The following GNB5 variants were observed in gnomAD, a reference collection of about 807,000 sequenced individuals.
GNB5 encodes guanine nucleotide-binding protein subunit beta-5.
GNB5 carries 37 observed loss-of-function variants against 55.3 expected under a neutral mutation model. The observed-to-expected ratio is 0.67, with a 90% CI of 0.51 to 0.88. The LOEUF is 0.88. Ranked by LOEUF, GNB5 falls within the 40% of genes least tolerant of loss-of-function variation. The pLI is 0.00. For synonymous variants in GNB5, 219 were observed against 198.5 expected, an observed-to-expected ratio of 1.10 and a Z score of -0.87; for missense variants, 476 against 515.3, an observed-to-expected ratio of 0.92 and a Z score of 0.74.
chr15:52,181,388 G>A lies in GNB5; in HGVS notation c.127-1509C>T, dbSNP rs7183309. ...CCCAACACTTCGGGAGGCCAAGGTG[G>A]GTGTATCACCTGAGGTCAGGAGTTC... is the stretch of plus-strand genomic sequence containing the variant. On this transcript the variant is annotated intron_variant, in intron 2 of 12. Coordinates refer to ENST00000261837, the MANE Select transcript of GNB5 (RefSeq NM_016194.4). Among the ~76,000 whole-genome samples the A allele has an allele frequency of 8.3e-3, 1,260 of 152,214 alleles. 18 individuals are homozygous for A. The highest frequency in any genetic ancestry group is 0.029 in the African/African-American group (1,213 of 41,518).
chr15:52,152,940 G>C (rs2034131570), intron 4 of GNB5, among the ~76,000 whole-genome samples: 1 of 152,218 alleles, frequency 6.6e-6, no homozygotes, highest in African/African-American at 2.4e-5. Context: ...AATATGTCAT[G>C]TGACTTCAGT....
intron 3 of GNB5, among the ~76,000 whole-genome samples, chr15:52,165,850 C>T (rs1053676612): frequency 1.3e-5 from 2 of 152,146 alleles, no homozygotes; most frequent in Non-Finnish European, 2.9e-5. Context: ...ACAATATTAA[C>T]CTTAAATGTA....
intron 12 of GNB5, among the ~76,000 whole-genome samples, chr15:52,124,241 G>A (rs2033359435): frequency 6.6e-6 from 1 of 151,954 alleles, no homozygotes; most frequent in African/African-American, 2.4e-5. Context: ...TCACCTACAG[G>A]CTGATACGCA....
chr15:52,134,671 C>T (rs2033657479), intron 8 of GNB5, among the ~76,000 whole-genome samples: 1 of 152,194 alleles, frequency 6.6e-6, no homozygotes, highest in South Asian at 2.1e-4. Flanking sequence ...GCTCATACAG[C>T]CCTGGCCTGG....
chr15:52,156,167 C>G (rs1410641670), intron 3 of GNB5, among the ~76,000 whole-genome samples: 2 of 152,106 alleles, frequency 1.3e-5, no homozygotes, highest in Non-Finnish European at 2.9e-5. Flanking sequence ...GGTTGTAATC[C>G]ATTACTAATA....
At chr15:52,146,736 A>ATTT (rs60737688) in intron 6 of GNB5, among the ~76,000 whole-genome samples, 3 of 110,910 alleles carry the variant, frequency 2.7e-5, no homozygotes, top group Non-Finnish European at 3.7e-5. Flanking sequence ...AGCTAATTAG[A>ATTT]TTTTTTTTTT....
In GNB5 at chr15:52,117,111, T is replaced by TTTTTTTTC; in HGVS notation, c.*5645_*5646insGAAAAAAA. On this transcript the variant is annotated 3_prime_UTR_variant, in exon 13 of 13. Coordinates refer to ENST00000261837, the MANE Select transcript of GNB5 (RefSeq NM_016194.4). ...GCTAATATATATATATATTTTTTTT[T>TTTTTTTTC]AGTACAGACAGGGTTTCACCGTGTT... 7.5e-6 allele frequency: 1 copy of TTTTTTTTC among 133,940 alleles called. No individual in the cohort carries two copies. The highest frequency in any genetic ancestry group is 2.5e-4 in the South Asian group (1 of 4,024). 8.3% of individuals were successfully genotyped at this position (133,940 alleles called of 1,614,324 possible).
rs760563514 is a variant in GNB5, at chr15:52,141,141, T to C, written c.626A>G (p.Gln209Arg). The change falls in exon 7 of 13, where the codon CAG becomes CGG. Residue 209 changes from glutamine to arginine, a missense_variant and splice_region_variant. Physicochemically the swap from Gln to Arg is conservative, Grantham distance 43 (BLOSUM62 1). Transcript: ENST00000261837. ...TGACACCGGGGGCTGCCTATTTACC[T>C]GCATGTCAGAGTTGGTGAAGCTGCA... ...SACSFTNSDM[Q>R]ILTASGDGTC... The C allele has an allele frequency of 3.7e-6, 6 of 1,614,056 alleles. No homozygotes were observed. Among genetic ancestry groups the C allele is most frequent in the Non-Finnish European group, 5.1e-6 (6 of 1,179,940 alleles).
intron 3 of GNB5, among the ~76,000 whole-genome samples, chr15:52,166,499 G>A (rs1228020501): frequency 2.0e-5 from 3 of 152,140 alleles, no homozygotes; most frequent in African/African-American, 4.8e-5. Flanking sequence ...AGACCACAGC[G>A]AAATCAAATT....
Position 52,115,433 on chromosome 15 carries a change from G to T in GNB5, c.*7324C>A, listed in dbSNP as rs1299552998. 2 of 152,178 alleles carry T rather than the reference G, an allele frequency of 1.3e-5. No homozygotes were observed. The highest frequency in any genetic ancestry group is 3.8e-4 in the East Asian group (2 of 5,198). 9.4% of individuals were successfully genotyped at this position (152,178 alleles called of 1,614,324 possible). Reference sequence around the variant, plus strand: ...AACCTCAATCTCCCCATCTAAAAATGGGGCATCACGGGGCTGTCACAAGGA... The same window carrying T: ...AACCTCAATCTCCCCATCTAAAAATTGGGCATCACGGGGCTGTCACAAGGA... On this transcript the variant is annotated 3_prime_UTR_variant, in exon 13 of 13. Transcript: ENST00000261837.
At chr15:52,163,955 C>A (rs531036672) in intron 3 of GNB5, among the ~76,000 whole-genome samples, 4 of 152,246 alleles carry the variant, frequency 2.6e-5, no homozygotes, top group Non-Finnish European at 4.4e-5. Flanking sequence ...CAATAAGGGT[C>A]TGGAGTGGAC....
chr15:52,167,794 C>T (rs1180774871), intron 3 of GNB5, among the ~76,000 whole-genome samples: 1 of 152,064 alleles, frequency 6.6e-6, no homozygotes, highest in Non-Finnish European at 1.5e-5. Flanking sequence ...CATCAAAAAA[C>T]TTATCCAACA....
intron 1 of GNB5, among the ~76,000 whole-genome samples, chr15:52,185,759 A>T (rs1287744083): frequency 8.7e-6 from 1 of 115,428 alleles, no homozygotes; most frequent in African/African-American, 4.3e-5. Context: ...TCTTTTTATT[A>T]TTATTATTAT....
chr15:52,125,784 G>A lies in GNB5; in HGVS notation c.1009+164C>T, dbSNP rs187220103. On this transcript the variant is annotated intron_variant, in intron 11 of 12. Coordinates refer to ENST00000261837, the MANE Select transcript of GNB5 (RefSeq NM_016194.4). ...TTGCCTGGGGCAGGACAAAGTGGGA[G>A]GTCAGAAGCTCAGAGGAGGAAAACT... 2.4e-4 allele frequency: 139 copies of A among 589,570 alleles called. No individual in the cohort carries two copies. In the East Asian group the frequency reaches 3.9e-3, roughly 17 times the overall value. 36.5% of individuals were successfully genotyped at this position (589,570 alleles called of 1,614,324 possible). A position where few individuals can be genotyped will look rare whatever the true frequency, so the allele number is the denominator to read the frequency against.
chr15:52,187,527 C>T (rs1226084688), intron 1 of GNB5, among the ~76,000 whole-genome samples: 1 of 151,838 alleles, frequency 6.6e-6, no homozygotes, highest in African/African-American at 2.4e-5. Context: ...CTGGGAGGCA[C>T]GGGAGAGAAA....
chr15:52,132,317 A>G lies in GNB5; in HGVS notation c.863+1061T>C, dbSNP rs563089148. Among the ~76,000 whole-genome samples the G allele has an allele frequency of 7.2e-5, 11 of 152,268 alleles. No individual in the cohort carries two copies. The South Asian group carries it at 2.3e-3, about 32-fold the overall frequency. On this transcript the variant is annotated intron_variant, in intron 9 of 12. Transcript: ENST00000261837. ...AACTTGTAGGTAGATAAAATCTCAG[A>G]TATTTCATAATTCTTGACATTTCTC...
At position 52,168,995 on chromosome 15, in the gene GNB5, A is replaced by T. The variant is rs145173916; in HGVS notation, c.238+10773T>A. Among the ~76,000 whole-genome samples the T allele has an allele frequency of 1.8e-3, 277 of 152,300 alleles. 1 individual carries two copies. The highest frequency in any genetic ancestry group is 6.4e-3 in the African/African-American group (265 of 41,566). On this transcript the variant is annotated intron_variant, in intron 3 of 12. Transcript: ENST00000261837. ...CAAGATGGATTAAAGACTTAAATGT[A>T]AAACCCCAAACTATAAAAACCCTAG...
chr15:52,172,071 T>C (rs1276908966), intron 3 of GNB5, among the ~76,000 whole-genome samples: 2 of 152,186 alleles, frequency 1.3e-5, no homozygotes, highest in Non-Finnish European at 2.9e-5. Context: ...GTCTTGCAGA[T>C]TATTCCTCAG....
intron 7 of GNB5, among the ~76,000 whole-genome samples, chr15:52,140,480 C>T (rs909973106): frequency 6.6e-6 from 1 of 152,224 alleles, no homozygotes; most frequent in Non-Finnish European, 1.5e-5. Context: ...CCAGTTCCCC[C>T]ACTGTCCAAC....
Sources: gnomAD v4.1 joint callset for allele counts (sites outside exome capture counted in the v4.1 genomes callset) on GRCh38, gnomAD v4.1.1 for gene constraint, MANE v1.5 for transcripts, NCBI Gene and HGNC (gene_info 2026-07-23, HGNC 2026-07-21) for gene names.